MDGA2: variants seen among roughly 807,000 people sequenced by gnomAD.
MDGA2 encodes the protein MAM domain containing glycosylphosphatidylinositol anchor 2, also known as MAM domain-containing glycosylphosphatidylinositol anchor protein 2.
MDGA2 carries 40 observed loss-of-function variants against 117.8 expected under a neutral mutation model. The ratio of observed to expected loss-of-function variants is 0.34; its 90% CI spans 0.26 to 0.44. The LOEUF is 0.44. MDGA2 is among the 20% of genes least tolerant of loss of function. The probability of loss-of-function intolerance (pLI) is 1.00; values close to 1 mark genes in which losing one functional copy is unlikely to be tolerated. For missense variants in MDGA2, 1,123 were observed against 1,250.6 expected (o/e 0.90, Z 1.54); for synonymous variants, 452 against 439.0 (o/e 1.03, Z -0.37).
intron 8 of MDGA2, among the ~76,000 whole-genome samples, chr14:46,991,652 C>T (rs1389964724): frequency 6.6e-6 from 1 of 152,068 alleles, no homozygotes; most frequent in African/African-American, 2.4e-5. Context: ...CAGTTTTTCT[C>T]CTCTCATACT....
At chr14:47,514,540 C>T (rs1355356054) in intron 1 of MDGA2, among the ~76,000 whole-genome samples, 4 of 152,112 alleles carry the variant, frequency 2.6e-5, no homozygotes, top group African/African-American at 7.2e-5. Context: ...CCTATTGACA[C>T]CAGCCCTGGG....
chr14:47,144,456 G>T (rs1229656072), intron 3 of MDGA2, among the ~76,000 whole-genome samples, 182 bp from the exon 4 acceptor site: 2 of 152,060 alleles, frequency 1.3e-5, no homozygotes, highest in African/African-American at 4.8e-5. Context: ...ATGATAAGAA[G>T]TATATTAGTA....
At chr14:47,018,149 T>C (rs530076822) in intron 8 of MDGA2, among the ~76,000 whole-genome samples, 2 of 152,220 alleles carry the variant, frequency 1.3e-5, no homozygotes, top group South Asian at 2.1e-4. Flanking sequence ...AATTGACTTT[T>C]TTTTTCCCCC....
chr14:47,240,056 T>C (rs553451764), intron 2 of MDGA2, among the ~76,000 whole-genome samples: 1 of 149,676 alleles, frequency 6.7e-6, no homozygotes, highest in African/African-American at 2.5e-5. Context: ...GTTTTTGCTG[T>C]TTTTTTTTGA....
chr14:46,998,825 G>GT (rs1257886622), intron 8 of MDGA2, among the ~76,000 whole-genome samples: 1 of 151,832 alleles, frequency 6.6e-6, no homozygotes, highest in Non-Finnish European at 1.5e-5. Flanking sequence ...CTTATTCAAG[G>GT]TACTTACAAA....
At chr14:47,611,087 C>CA (rs201712491) in intron 1 of MDGA2, among the ~76,000 whole-genome samples, 9,195 of 150,934 alleles carry the variant, frequency 0.061, 331 homozygotes, top group Middle Eastern at 0.089. Context: ...TTTGACAAAG[C>CA]AAAAAAAACA....
intron 1 of MDGA2, among the ~76,000 whole-genome samples, chr14:47,661,011 T>C (rs1897835449): frequency 6.6e-6 from 1 of 152,198 alleles, no homozygotes; most frequent in Non-Finnish European, 1.5e-5. Context: ...TGACATTAGC[T>C]ACCTACATAT....
At chr14:47,069,799 AAT>A (rs1327115777) in intron 6 of MDGA2, among the ~76,000 whole-genome samples, 8 of 152,198 alleles carry the variant, frequency 5.3e-5, no homozygotes, top group South Asian at 4.1e-4. Context: ...AAATCATTTA[AAT>A]ATATGTTTTC....
chr14:47,272,949 TAGGCCTACTTTCCA>T (rs1566714177), intron 2 of MDGA2, among the ~76,000 whole-genome samples: 1 of 152,130 alleles, frequency 6.6e-6, no homozygotes, highest in African/African-American at 2.4e-5. Context: ...GGGAAATGCA[TAGGCCTACTTTCCA>T]CTTAACTAAG....
Position 47,305,064 on chromosome 14 carries a change from C to T in MDGA2, c.281-3514G>A, listed in dbSNP as rs372888606. 1.6e-4 allele frequency among the ~76,000 whole-genome samples: 24 copies of T among 152,262 alleles called. No individual in the cohort carries two copies. The South Asian group carries it at 4.8e-3, about 30-fold the overall frequency. On this transcript the variant is annotated intron_variant, in intron 1 of 16. Coordinates refer to ENST00000399232, the MANE Select transcript of MDGA2 (RefSeq NM_001113498.3). Reference sequence around the variant, plus strand: ...ATCATTTTTGGCATCATCCCCATATCACATAATTCACAGCACAGAGGAGGT... The same window carrying T: ...ATCATTTTTGGCATCATCCCCATATTACATAATTCACAGCACAGAGGAGGT...
chr14:47,431,181 A>C (rs1831323299), intron 1 of MDGA2, among the ~76,000 whole-genome samples: 1 of 152,056 alleles, frequency 6.6e-6, no homozygotes. Flanking sequence ...TCCTGTATGA[A>C]TCCTTAGAGA....
chr14:47,225,615 G>C (rs1886462681), intron 2 of MDGA2, among the ~76,000 whole-genome samples: 1 of 149,684 alleles, frequency 6.7e-6, no homozygotes, highest in Non-Finnish European at 1.5e-5. Context: ...TGAACAATGA[G>C]AACACGTGGA....
chr14:47,539,769 ATAT>A (rs1048217706), intron 1 of MDGA2, among the ~76,000 whole-genome samples: 18 of 152,286 alleles, frequency 1.2e-4, no homozygotes, highest in African/African-American at 4.3e-4. Flanking sequence ...TTACAGCCTA[ATAT>A]TTACAGTTAT....
chr14:47,255,167 T>G (rs930938017), intron 2 of MDGA2, among the ~76,000 whole-genome samples: 3 of 152,140 alleles, frequency 2.0e-5, no homozygotes, highest in African/African-American at 7.2e-5. Flanking sequence ...GAAAACAGAA[T>G]TCTGAAAGGT....
chr14:46,958,814 G>A (rs1885666352), intron 8 of MDGA2, among the ~76,000 whole-genome samples: 1 of 152,136 alleles, frequency 6.6e-6, no homozygotes, highest in Non-Finnish European at 1.5e-5. Flanking sequence ...AGATAAAATA[G>A]TCCACATGTT....
At chr14:47,664,760 G>A (rs1897911626) in intron 1 of MDGA2, among the ~76,000 whole-genome samples, 1 of 152,156 alleles carries the variant, frequency 6.6e-6, no homozygotes, top group Admixed American at 6.5e-5. Context: ...AGTCATTCTG[G>A]ACCCATAGTT....
chr14:47,488,550 A>T (rs1163932774), intron 1 of MDGA2, among the ~76,000 whole-genome samples: 1 of 152,144 alleles, frequency 6.6e-6, no homozygotes, highest in Non-Finnish European at 1.5e-5. Flanking sequence ...ATGAATTAAA[A>T]CTGTATAAAA....
intron 6 of MDGA2, among the ~76,000 whole-genome samples, chr14:47,065,176 G>A (rs1890037317): frequency 6.6e-6 from 1 of 152,088 alleles, no homozygotes. Context: ...AATCAGTTTG[G>A]AAACATTGCA....
intron 2 of MDGA2, among the ~76,000 whole-genome samples, chr14:47,276,135 T>G (rs1466087438): frequency 6.6e-6 from 1 of 152,166 alleles, no homozygotes; most frequent in Non-Finnish European, 1.5e-5. Context: ...CAGTTCAGTC[T>G]GTCAGAAGTA....
Sources: gnomAD v4.1 joint callset for allele counts (sites outside exome capture counted in the v4.1 genomes callset) on GRCh38, gnomAD v4.1.1 for gene constraint, MANE v1.5 for transcripts, NCBI Gene and HGNC (gene_info 2026-07-23, HGNC 2026-07-21) for gene names.